The following WDR49 variants were observed in gnomAD, a reference collection of about 807,000 sequenced individuals.
WDR49 encodes the protein WD repeat domain 49.
In WDR49, 107 loss-of-function variants were observed where a neutral mutation model predicts 119.5. That is an observed-to-expected ratio of 0.90 (90% CI 0.77 to 1.05). The LOEUF is 1.05. Ranked by LOEUF, WDR49 falls within the 50% of genes least tolerant of loss-of-function variation. The pLI is 0.00. For synonymous variants in WDR49, 425 were observed against 418.8 expected, an observed-to-expected ratio of 1.01 and a Z score of -0.18; for missense variants, 1,240 against 1,220.5, an observed-to-expected ratio of 1.02 and a Z score of -0.24.
intron 17 of WDR49, among the ~76,000 whole-genome samples, chr3:167,502,556 A>T (rs940340544): frequency 1.3e-5 from 2 of 152,198 alleles, no homozygotes; most frequent in Non-Finnish European, 2.9e-5. Flanking sequence ...TGGACAGTGA[A>T]GTACAGGCTG....
At chr3:167,626,443 T>C (rs537510559) in intron 3 of WDR49, among the ~76,000 whole-genome samples, 1 of 152,168 alleles carries the variant, frequency 6.6e-6, no homozygotes, top group South Asian at 2.1e-4. Context: ...TATATGAAGA[T>C]GTTTAGACTG....
intron 10 of WDR49, among the ~76,000 whole-genome samples, chr3:167,545,514 T>TATATATATATATATATATATATAC (rs1712133530): frequency 7.1e-6 from 1 of 141,460 alleles, no homozygotes; most frequent in South Asian, 2.2e-4. Flanking sequence ...ATATATTATA[T>TATATATATATATATATATATATAC]ATATATATAT....
chr3:167,550,379 G>T (rs1577233539), intron 10 of WDR49, among the ~76,000 whole-genome samples: 1 of 151,956 alleles, frequency 6.6e-6, no homozygotes, highest in Non-Finnish European at 1.5e-5. Flanking sequence ...TTGAGCAGTG[G>T]TTTGTAGTTC....
At chr3:167,506,126 A>C (rs1480172448) in intron 16 of WDR49, among the ~76,000 whole-genome samples, 1 of 152,162 alleles carries the variant, frequency 6.6e-6, no homozygotes, top group East Asian at 1.9e-4. Flanking sequence ...AATCGTGGAG[A>C]GTCCTGGGGA....
intron 8 of WDR49, chr3:167,575,044 T>C (rs566189410): frequency 3.0e-6 from 3 of 985,356 alleles, no homozygotes; most frequent in African/African-American, 3.5e-5. Context: ...ACTAGTCATT[T>C]CTATGTGAAT....
chr3:167,589,405 G>T (rs1256241690), intron 7 of WDR49, among the ~76,000 whole-genome samples: 2 of 152,058 alleles, frequency 1.3e-5, no homozygotes, highest in Non-Finnish European at 1.5e-5. Context: ...GCTTAGGATA[G>T]CCTTGGCTAT....
At chr3:167,504,922 T>C (rs1314355614) in intron 17 of WDR49, among the ~76,000 whole-genome samples, 1 of 152,134 alleles carries the variant, frequency 6.6e-6, no homozygotes, top group Non-Finnish European at 1.5e-5. Flanking sequence ...TGTCACCCTG[T>C]GATGTGCTTG....
At chr3:167,640,761 C>T (rs1181688206) in intron 2 of WDR49, among the ~76,000 whole-genome samples, 3 of 151,128 alleles carry the variant, frequency 2.0e-5, no homozygotes, top group Admixed American at 6.6e-5. Flanking sequence ...TTTTTTTATT[C>T]GATTACACAG....
At chr3:167,653,147 T>C (rs1425950066) in intron 2 of WDR49, 114 bp downstream of exon 2, 3 of 1,200,292 alleles carry the variant, frequency 2.5e-6, no homozygotes, top group Non-Finnish European at 3.5e-6. Flanking sequence ...TTTAATTCTC[T>C]GCTATAACAA....
chr3:167,531,748 A>T (rs1459281714), intron 12 of WDR49, among the ~76,000 whole-genome samples: 1 of 152,170 alleles, frequency 6.6e-6, no homozygotes, highest in Non-Finnish European at 1.5e-5. Flanking sequence ...AACATTTCTA[A>T]GCATACTTCA....
At chr3:167,519,103 A>C (rs555009485) in intron 16 of WDR49, among the ~76,000 whole-genome samples, 17 of 152,148 alleles carry the variant, frequency 1.1e-4, no homozygotes, top group Non-Finnish European at 1.8e-4. Context: ...CACAATAGCA[A>C]TTATTAAAAA....
At chr3:167,546,233 T>G (rs1040948875) in intron 10 of WDR49, among the ~76,000 whole-genome samples, 1 of 151,958 alleles carries the variant, frequency 6.6e-6, no homozygotes, top group Admixed American at 6.6e-5. Flanking sequence ...CACAAAATCT[T>G]TCTTATAACA....
chr3:167,514,855 C>T (rs1312623891), intron 16 of WDR49, among the ~76,000 whole-genome samples: 1 of 152,136 alleles, frequency 6.6e-6, no homozygotes, highest in Admixed American at 6.6e-5. Context: ...CTATAAACAC[C>T]TCTGTGCAAA....
At chr3:167,620,641 G>A in intron 4 of WDR49, 38 bp from the exon 5 acceptor site, 1 of 1,480,024 alleles carries the variant, frequency 6.8e-7, no homozygotes, top group South Asian at 1.3e-5. Context: ...ATCGTGGACG[G>A]GATATTTGTT....
At chr3:167,524,606 T>C (rs1752569961) in intron 15 of WDR49, among the ~76,000 whole-genome samples, 1 of 152,188 alleles carries the variant, frequency 6.6e-6, no homozygotes, top group African/African-American at 2.4e-5. Flanking sequence ...AGGGGTCCAA[T>C]TTCTGTATTC....
chr3:167,602,272 G>C lies in WDR49; in HGVS notation c.1130C>G (p.Thr377Ser), dbSNP rs1560307856. ...DYHSRLNLIA[T>S]AGINNKVCLW... is the part of the protein sequence containing the mutation. ...GCAAACTTTATTGTTAATGCCAGCA[G>C]TTGCTAATCAGAATTAGAAAGAAAA... Residue 377 changes from threonine to serine, a missense_variant, in exon 7 of 19, where the codon ACT becomes AGT. Physicochemically the swap from Thr to Ser is moderately conservative, Grantham distance 58 (BLOSUM62 1). Coordinates refer to ENST00000682715, the MANE Select transcript of WDR49 (RefSeq NM_001366157.1). 1 of 1,562,602 alleles carries C rather than the reference G, an allele frequency of 6.4e-7. No individual in the cohort carries two copies. Among genetic ancestry groups the C allele is most frequent in the East Asian group, 2.3e-5 (1 of 44,232 alleles).
At chr3:167,628,889 C>A (rs1289668172) in intron 2 of WDR49, among the ~76,000 whole-genome samples, 8 of 152,080 alleles carry the variant, frequency 5.3e-5, no homozygotes, top group African/African-American at 1.9e-4. Context: ...TTGTTAGGGG[C>A]TGATGTAACT....
chr3:167,491,008 C>A (rs1319063239), intron 18 of WDR49, among the ~76,000 whole-genome samples: 1 of 151,894 alleles, frequency 6.6e-6, no homozygotes, highest in Non-Finnish European at 1.5e-5. Context: ...AGGACATTAC[C>A]AAGAATTAAA....
intron 8 of WDR49, chr3:167,566,850 A>G (rs924625348): frequency 1.5e-6 from 1 of 675,254 alleles, no homozygotes; most frequent in South Asian, 1.6e-5. Flanking sequence ...GTGGAAGTCA[A>G]TTATCATAAG....
Sources: allele counts gnomAD v4.1 joint callset (sites outside exome capture counted in the v4.1 genomes callset), GRCh38; gene constraint gnomAD v4.1.1; transcripts MANE v1.5; gene names NCBI Gene and HGNC (gene_info 2026-07-23, HGNC 2026-07-21).